COP1: variants seen among roughly 807,000 people sequenced by gnomAD.
COP1 encodes the protein COP1 E3 ubiquitin ligase.
COP1 carries 24 observed loss-of-function variants against 101.3 expected under a neutral mutation model. The ratio of observed to expected loss-of-function variants is 0.24; its 90% CI spans 0.17 to 0.33. The LOEUF is 0.33. Among genes scored for constraint, COP1 ranks in the 10% least tolerant of loss-of-function variants. The pLI is 1.00. For synonymous variants in COP1, 347 were observed against 341.9 expected, an observed-to-expected ratio of 1.01 and a Z score of -0.17; for missense variants, 663 against 906.2, an observed-to-expected ratio of 0.73 and a Z score of 3.45.
intron 8 of COP1, among the ~76,000 whole-genome samples, chr1:176,133,333 T>C (rs1362386767): frequency 6.6e-6 from 1 of 151,846 alleles, no homozygotes; most frequent in Non-Finnish European, 1.5e-5. Flanking sequence ...TTACTGAATA[T>C]CAGTCATTTC....
At chr1:176,175,483 G>T (rs1469846148) in intron 3 of COP1, among the ~76,000 whole-genome samples, 2 of 152,174 alleles carry the variant, frequency 1.3e-5, no homozygotes. Flanking sequence ...TAAGGAGCGT[G>T]CAACTTAGAT....
intron 9 of COP1, among the ~76,000 whole-genome samples, chr1:176,089,113 CAA>C (rs1156379364): frequency 6.6e-6 from 1 of 151,866 alleles, no homozygotes; most frequent in Non-Finnish European, 1.5e-5. Flanking sequence ...CCAGCCTGGC[CAA>C]GATGGTGAAA....
In COP1 at chr1:175,975,261, C is replaced by T. The variant is rs1261433012; in HGVS notation, c.2133+11682G>A. Among the ~76,000 whole-genome samples, 16 of 152,010 alleles carry T rather than the reference C, an allele frequency of 1.1e-4. 1 individual carries two copies. Among genetic ancestry groups the T allele is most frequent in the Non-Finnish European group, 2.9e-5 (2 of 68,020 alleles). ...TTTAAACAATTTACTAATATTATCC[C>T]CCACCCCAAAACCTTCCCCACTCCC... is the stretch of plus-strand genomic sequence containing the variant. On this transcript the variant is annotated intron_variant, in intron 18 of 19. Coordinates refer to ENST00000367669, the MANE Select transcript of COP1 (RefSeq NM_022457.7).
intron 15 of COP1, among the ~76,000 whole-genome samples, chr1:176,006,589 A>G (rs972544951): frequency 4.6e-5 from 7 of 152,048 alleles, no homozygotes; most frequent in Admixed American, 4.6e-4. Context: ...AAAGTATTTT[A>G]TTTCTCCTTT....
chr1:176,121,041 T>C (rs12145778), intron 8 of COP1, among the ~76,000 whole-genome samples: 10,542 of 151,848 alleles, frequency 0.069, 459 homozygotes, highest in Admixed American at 0.087. Flanking sequence ...TAGACTATTA[T>C]CATTGATTTT....
intron 1 of COP1, among the ~76,000 whole-genome samples, chr1:176,188,520 T>G (rs1380075185): frequency 6.6e-6 from 1 of 152,190 alleles, no homozygotes; most frequent in Non-Finnish European, 1.5e-5. Context: ...TCAAGGAGAA[T>G]GGGCAACCCT....
chr1:176,011,740 T>C (rs757003360), intron 15 of COP1, among the ~76,000 whole-genome samples: 3 of 152,176 alleles, frequency 2.0e-5, no homozygotes, highest in Non-Finnish European at 2.9e-5. Context: ...CATTTCATGA[T>C]GATATATGAT....
intron 8 of COP1, among the ~76,000 whole-genome samples, chr1:176,117,477 TC>T (rs1686385406): frequency 6.6e-6 from 1 of 152,178 alleles, no homozygotes; most frequent in South Asian, 2.1e-4. Flanking sequence ...CATTCCTATC[TC>T]CCTCTCATCT....
In COP1 at chr1:176,186,343, A is replaced by C. The variant is rs189944481; in HGVS notation, c.408-1651T>G. Among the ~76,000 whole-genome samples the C allele has an allele frequency of 9.0e-4, 134 of 149,330 alleles. 2 individuals carry two copies. Among genetic ancestry groups the C allele is most frequent in the African/African-American group, 2.8e-3 (114 of 40,738 alleles). ...CAATATACTGAGACCTCATCTCTACAAAAAAAAAATTAAAAAAAAAAACAC... is the reference window on the plus strand; with the variant it reads ...CAATATACTGAGACCTCATCTCTACCAAAAAAAAATTAAAAAAAAAAACAC... On this transcript the variant is annotated intron_variant, in intron 1 of 19. Coordinates refer to ENST00000367669, the MANE Select transcript of COP1 (RefSeq NM_022457.7).
chr1:176,129,383 T>G (rs1688546879), intron 8 of COP1, among the ~76,000 whole-genome samples: 1 of 151,850 alleles, frequency 6.6e-6, no homozygotes, highest in Non-Finnish European at 1.5e-5. Context: ...TCCTCCTTCC[T>G]CTAGCACAGA....
At chr1:176,164,754 TAC>T (rs761123021) in intron 3 of COP1, among the ~76,000 whole-genome samples, 12 of 152,232 alleles carry the variant, frequency 7.9e-5, no homozygotes, top group Non-Finnish European at 1.6e-4. Context: ...CGTGAATCGA[TAC>T]ATTTTCCATA....
chr1:176,060,764 T>A (rs1377095941), intron 11 of COP1, among the ~76,000 whole-genome samples: 1 of 152,162 alleles, frequency 6.6e-6, no homozygotes, highest in East Asian at 1.9e-4. Flanking sequence ...AGAAGAATAT[T>A]TCATCATGTA....
chr1:176,064,281 T>C (rs1360276007), intron 11 of COP1, among the ~76,000 whole-genome samples: 2 of 152,200 alleles, frequency 1.3e-5, no homozygotes, highest in Non-Finnish European at 2.9e-5. Context: ...TCATATTTCA[T>C]TTACATAAAT....
At chr1:176,066,486 T>C (rs1675995553) in intron 11 of COP1, among the ~76,000 whole-genome samples, 1 of 152,138 alleles carries the variant, frequency 6.6e-6, no homozygotes, top group East Asian at 1.9e-4. Context: ...TTTATCCTAA[T>C]TGTAAAAAGC....
intron 5 of COP1, among the ~76,000 whole-genome samples, chr1:176,161,057 C>T (rs1694238579): frequency 6.6e-6 from 1 of 152,172 alleles, no homozygotes; most frequent in African/African-American, 2.4e-5. Flanking sequence ...GGCCTCTGCT[C>T]CACAATATAA....
intron 9 of COP1, among the ~76,000 whole-genome samples, chr1:176,092,061 C>T (rs2149457725): frequency 6.6e-6 from 1 of 151,972 alleles, no homozygotes; most frequent in African/African-American, 2.4e-5. Flanking sequence ...AATAAGAGAG[C>T]CTTAACATTT....
intron 18 of COP1, among the ~76,000 whole-genome samples, chr1:175,980,257 C>A (rs879692129): frequency 0.11 from 16,236 of 151,716 alleles, 965 homozygotes; most frequent in Middle Eastern, 0.16. Context: ...TTTGAGGAGT[C>A]TGGAGGTTAC....
chr1:175,976,067 G>A (rs1558191608), intron 18 of COP1, among the ~76,000 whole-genome samples: 1 of 7,070 alleles, frequency 1.4e-4, no homozygotes, highest in African/African-American at 1.5e-4. Context: ...AGAATTAGAA[G>A]GTCTCAAAGG....
chr1:176,121,621 C>T (rs1337529533), intron 8 of COP1, among the ~76,000 whole-genome samples: 6 of 152,248 alleles, frequency 3.9e-5, no homozygotes, highest in African/African-American at 1.4e-4. Context: ...GCAACTTGGA[C>T]ATATAAATGC....
Sources: gnomAD v4.1 joint callset for allele counts (sites outside exome capture counted in the v4.1 genomes callset) on GRCh38, gnomAD v4.1.1 for gene constraint, MANE v1.5 for transcripts, NCBI Gene and HGNC (gene_info 2026-07-23, HGNC 2026-07-21) for gene names.